The following EIF4G3 variants were observed in gnomAD, a reference collection of about 807,000 sequenced individuals.
The protein encoded by EIF4G3 is eukaryotic translation initiation factor 4 gamma 3.
In EIF4G3, 34 loss-of-function variants were observed where a neutral mutation model predicts 186.4. That is an observed-to-expected ratio of 0.18 (90% CI 0.14 to 0.24). The LOEUF is 0.24. Among genes scored for constraint, EIF4G3 ranks in the 10% least tolerant of loss-of-function variants. The pLI, the probability that EIF4G3 is intolerant of heterozygous loss-of-function variation, is 1.00. For synonymous variants in EIF4G3, 673 were observed against 679.5 expected (o/e 0.99, Z 0.15); for missense variants, 1,536 against 1,948.5 (o/e 0.79, Z 3.99).
intron 3 of EIF4G3, among the ~76,000 whole-genome samples, chr1:21,083,055 A>G (rs1441202277): frequency 2.1e-5 from 3 of 145,412 alleles, no homozygotes; most frequent in African/African-American, 7.6e-5. Context: ...AAAAAAAAAA[A>G]AAAAAAAAAA....
intron 4 of EIF4G3, among the ~76,000 whole-genome samples, chr1:21,048,418 A>C (rs1044728719): frequency 5.9e-5 from 9 of 152,172 alleles, no homozygotes; most frequent in African/African-American, 2.2e-4. Flanking sequence ...TGTCAGTAGA[A>C]GGCTCTAGAG....
intron 7 of EIF4G3, among the ~76,000 whole-genome samples, chr1:20,996,564 C>T (rs1372352122): frequency 5.3e-5 from 8 of 152,120 alleles, no homozygotes; most frequent in Admixed American, 3.9e-4. Flanking sequence ...TTCAACTAAA[C>T]AATATCCATT....
chr1:20,921,859 C>T (rs2094511361), intron 14 of EIF4G3, among the ~76,000 whole-genome samples: 3 of 152,276 alleles, frequency 2.0e-5, no homozygotes, highest in Admixed American at 2.0e-4. Context: ...CAGGCTTCTG[C>T]CCTGCCATGG....
intron 2 of EIF4G3, among the ~76,000 whole-genome samples, chr1:21,094,812 G>T (rs2101583542): frequency 7.6e-6 from 1 of 131,488 alleles, no homozygotes; most frequent in East Asian, 2.3e-4. Context: ...ATAAAAGCCA[G>T]GATTTCTTTT....
chr1:21,156,544 T>C lies in EIF4G3; in HGVS notation c.-272+19631A>G, dbSNP rs141983544. On this transcript the variant is annotated intron_variant, in intron 2 of 36. Transcript: ENST00000602326. ...TCCAACATGTCCTAAACTGAATTTATCTGTCCACTATCTCAAAACAACGTA... is the reference window on the plus strand; with the variant it reads ...TCCAACATGTCCTAAACTGAATTTACCTGTCCACTATCTCAAAACAACGTA... Among the ~76,000 whole-genome samples the C allele has an allele frequency of 3.1e-3, 477 of 152,356 alleles. 3 individuals carry two copies. The highest frequency in any genetic ancestry group is 0.011 in the African/African-American group (461 of 41,592).
chr1:20,888,294 C>A (rs1052046220), intron 18 of EIF4G3, among the ~76,000 whole-genome samples: 6 of 152,142 alleles, frequency 3.9e-5, no homozygotes, highest in African/African-American at 1.4e-4. Context: ...GAAAAGCTAA[C>A]TGATAAATTG....
chr1:21,138,946 G>T (rs2097294011), intron 2 of EIF4G3, among the ~76,000 whole-genome samples: 1 of 152,134 alleles, frequency 6.6e-6, no homozygotes, highest in Non-Finnish European at 1.5e-5. Flanking sequence ...ATGCAGCAGT[G>T]TGATCACAGC....
chr1:20,911,726 TAATC>T (rs1037137464), intron 14 of EIF4G3, among the ~76,000 whole-genome samples: 4 of 152,050 alleles, frequency 2.6e-5, no homozygotes, highest in African/African-American at 9.7e-5. Flanking sequence ...ACTTATTTAT[TAATC>T]AGGTAGTCAT....
chr1:20,809,698 C>T (rs1216311109), intron 36 of EIF4G3, among the ~76,000 whole-genome samples: 1 of 152,182 alleles, frequency 6.6e-6, no homozygotes, highest in African/African-American at 2.4e-5. Flanking sequence ...CATCATTAAC[C>T]ATTTTCATGC....
intron 11 of EIF4G3, among the ~76,000 whole-genome samples, chr1:20,970,470 G>C (rs1218805367): frequency 6.6e-6 from 1 of 151,916 alleles, no homozygotes; most frequent in Admixed American, 6.6e-5. Context: ...AAAATTAGCT[G>C]GGCGTGGTAG....
intron 7 of EIF4G3, among the ~76,000 whole-genome samples, chr1:20,991,210 G>C (rs1375675008): frequency 1.3e-5 from 2 of 152,114 alleles, no homozygotes; most frequent in Non-Finnish European, 2.9e-5. Context: ...TCGGGATATG[G>C]AAGCCCTAGA....
chr1:20,974,124 T>A (rs572526762), intron 10 of EIF4G3, among the ~76,000 whole-genome samples: 1 of 152,266 alleles, frequency 6.6e-6, no homozygotes, highest in South Asian at 2.1e-4. Flanking sequence ...TTTAGACAGG[T>A]CAAGTTTCGG....
At chr1:21,006,895 T>C (rs949554253) in intron 4 of EIF4G3, among the ~76,000 whole-genome samples, 5 of 152,188 alleles carry the variant, frequency 3.3e-5, no homozygotes, top group Non-Finnish European at 7.3e-5. Flanking sequence ...AAAATAATTA[T>C]AACATAAAAC....
chr1:21,138,268 A>G (rs2102614017), intron 2 of EIF4G3, among the ~76,000 whole-genome samples: 1 of 152,350 alleles, frequency 6.6e-6, no homozygotes, highest in South Asian at 2.1e-4. Context: ...CCCCGAAGCT[A>G]AAAGTCAGAG....
At chr1:21,062,184 A>G (rs2094952544) in intron 3 of EIF4G3, among the ~76,000 whole-genome samples, 1 of 151,906 alleles carries the variant, frequency 6.6e-6, no homozygotes, top group Non-Finnish European at 1.5e-5. Context: ...TCAGCCTCCC[A>G]AGTAGTTAAA....
intron 34 of EIF4G3, among the ~76,000 whole-genome samples, chr1:20,816,993 T>C (rs1176688608): frequency 3.4e-5 from 5 of 145,780 alleles, no homozygotes; most frequent in South Asian, 2.3e-4. Context: ...CAGGGTTAAA[T>C]GGATTAAGGG....
At chr1:21,142,377 T>C (rs1057122305) in intron 2 of EIF4G3, among the ~76,000 whole-genome samples, 1 of 148,562 alleles carries the variant, frequency 6.7e-6, no homozygotes, top group East Asian at 2.0e-4. Context: ...TGGTGCACCA[T>C]GTGCCTGCAG....
intron 15 of EIF4G3, 147 bp from the exon 16 acceptor site, chr1:20,900,090 T>C (rs1262643072): frequency 4.3e-5 from 37 of 854,304 alleles, no homozygotes; most frequent in Non-Finnish European, 6.2e-5. Context: ...ATTAGAATGC[T>C]GAGTTTAAAA....
rs114793792 is a variant in EIF4G3 at position 21,113,591 on chromosome 1, G to T, written c.-271-24378C>A. 6.6e-3 allele frequency among the ~76,000 whole-genome samples: 1,005 copies of T among 152,036 alleles called. 7 individuals carry two copies. Among genetic ancestry groups the T allele is most frequent in the African/African-American group, 0.023 (941 of 41,458 alleles). ...ATGTGCTGTTACAGTAAAATCAACT[G>T]GTCTATACTGCATTTTAAATATATC... On this transcript the variant is annotated intron_variant, in intron 2 of 36. Coordinates refer to ENST00000602326, the MANE Select transcript of EIF4G3 (RefSeq NM_001391906.1).
Sources: gnomAD v4.1 joint callset for allele counts (sites outside exome capture counted in the v4.1 genomes callset) on GRCh38, gnomAD v4.1.1 for gene constraint, MANE v1.5 for transcripts, NCBI Gene and HGNC (gene_info 2026-07-23, HGNC 2026-07-21) for gene names.